The following NT5DC3 variants were observed in gnomAD, a reference collection of about 807,000 sequenced individuals.
The protein encoded by NT5DC3 is 5'-nucleotidase domain containing 3, also known as 5'-nucleotidase domain-containing protein 3.
In NT5DC3, 42 loss-of-function variants were observed where a neutral mutation model predicts 67.8. That is an observed-to-expected ratio of 0.62 (90% CI 0.48 to 0.80). NT5DC3 has a LOEUF of 0.80. NT5DC3 is among the 30% of genes least tolerant of loss of function. The pLI, the probability that NT5DC3 is intolerant of heterozygous loss-of-function variation, is 0.00. For synonymous variants in NT5DC3, 237 were observed against 255.6 expected (o/e 0.93, Z 0.69); for missense variants, 570 against 696.4 (o/e 0.82, Z 2.04).
At chr12:103,762,165 T>G in the NT5DC3 span, 2 of 1,446,014 alleles carry the variant, frequency 1.4e-6, no homozygotes, top group East Asian at 4.6e-5. Context: ...TGTTAACATG[T>G]CAGTATTTTT....
chr12:103,796,802 A>G, intron 6 of NT5DC3, 92 bp downstream of exon 6: 1 of 1,353,208 alleles, frequency 7.4e-7, no homozygotes, highest in Admixed American at 1.8e-5. Flanking sequence ...TATTTAAAAC[A>G]CCTAACCTAG....
chr12:103,817,183 C>T (rs927904877), intron 1 of NT5DC3, among the ~76,000 whole-genome samples: 8 of 152,046 alleles, frequency 5.3e-5, no homozygotes, highest in Admixed American at 1.3e-4. Context: ...TCTCAGACGA[C>T]GAGGCCTCCA....
chr12:103,759,293 T>G, the NT5DC3 span: 1 of 1,610,866 alleles, frequency 6.2e-7, no homozygotes, highest in Non-Finnish European at 8.5e-7. Context: ...CTTCTGGGCT[T>G]CTTGGGGGAA....
At chr12:103,787,360 C>A in intron 11 of NT5DC3, 81 bp downstream of exon 11, 1 of 645,418 alleles carries the variant, frequency 1.5e-6, no homozygotes, top group Non-Finnish European at 2.5e-6. Flanking sequence ...ATAAAAGGTA[C>A]ATCCTTAAAT....
At chr12:103,815,744 T>C (rs1342865203) in intron 1 of NT5DC3, among the ~76,000 whole-genome samples, 1 of 152,114 alleles carries the variant, frequency 6.6e-6, no homozygotes, top group Non-Finnish European at 1.5e-5. Context: ...TGAACACCTC[T>C]TGTGAACGTA....
the NT5DC3 span, among the ~76,000 whole-genome samples, chr12:103,760,414 C>T: frequency 2.0e-5 from 3 of 152,190 alleles, no homozygotes; most frequent in Admixed American, 1.3e-4. Context: ...GTGCCCGCCA[C>T]CACACTCAGC....
At chr12:103,808,604 C>T (rs1301955551) in intron 2 of NT5DC3, among the ~76,000 whole-genome samples, 1 of 152,244 alleles carries the variant, frequency 6.6e-6, no homozygotes, top group Non-Finnish European at 1.5e-5. Context: ...TTATCCACTA[C>T]CTGCCATGTG....
the NT5DC3 span, chr12:103,761,253 G>A: frequency 6.4e-7 from 1 of 1,567,092 alleles, no homozygotes; most frequent in East Asian, 2.2e-5. Context: ...ATGGAGGGCT[G>A]CCCACTCGGA....
intron 3 of NT5DC3, 26 bp from the exon 4 acceptor site, chr12:103,806,403 T>C (rs1886802979): frequency 6.7e-7 from 1 of 1,488,878 alleles, no homozygotes; most frequent in Non-Finnish European, 9.4e-7. Context: ...CATATGCACA[T>C]GTAAATAATG....
intron 1 of NT5DC3, among the ~76,000 whole-genome samples, chr12:103,826,692 T>G (rs10778289): frequency 0.14 from 20,781 of 152,260 alleles, 1,563 homozygotes; most frequent in Middle Eastern, 0.28. Flanking sequence ...TAATTTGTGG[T>G]AATTTGTTAC....
intron 9 of NT5DC3, among the ~76,000 whole-genome samples, chr12:103,792,202 G>T (rs1216668954): frequency 6.6e-6 from 1 of 152,196 alleles, no homozygotes; most frequent in East Asian, 1.9e-4. Context: ...GCAAGCCACA[G>T]TTTATAGCTG....
At chr12:103,804,426 A>G (rs533218966) in intron 4 of NT5DC3, among the ~76,000 whole-genome samples, 1 of 152,328 alleles carries the variant, frequency 6.6e-6, no homozygotes, top group Non-Finnish European at 1.5e-5. Flanking sequence ...TGGAGGATAT[A>G]CTCAAGCAAA....
chr12:103,812,434 T>C (rs1019054144), intron 2 of NT5DC3, among the ~76,000 whole-genome samples: 1 of 151,040 alleles, frequency 6.6e-6, no homozygotes, highest in Non-Finnish European at 1.5e-5. Context: ...ACAGACATAA[T>C]GAGAATGAAA....
Position 103,814,991 on chromosome 12 carries a change from G to T in NT5DC3, c.339C>A (p.His113Gln), listed in dbSNP as rs761637494. ...CAGCATTAAATATCAGCGTGTGGAGGTGCTTTGAATAAAACACCAAGGTGT... is the reference window on the plus strand; with the variant it reads ...CAGCATTAAATATCAGCGTGTGGAGTTGCTTTGAATAAAACACCAAGGTGT... ...YDYTLVFYSKHLHTLIFNAAR... is the reference protein window; with the variant it reads ...YDYTLVFYSKQLHTLIFNAAR... The change falls in exon 2 of 14, where the codon CAC becomes CAA. Residue 113 changes from histidine (H) to glutamine (Q), a missense_variant. Physicochemically the swap from His to Gln is conservative, Grantham distance 24 (BLOSUM62 0). Coordinates refer to ENST00000392876, the MANE Select transcript of NT5DC3 (RefSeq NM_001031701.3). 6.2e-6 allele frequency: 10 copies of T among 1,613,670 alleles called. No individual in the cohort carries two copies. The highest frequency in any genetic ancestry group is 7.6e-6 in the Non-Finnish European group (9 of 1,179,768).
At chr12:103,790,623 A>G (rs950448498) in intron 9 of NT5DC3, among the ~76,000 whole-genome samples, 3 of 151,312 alleles carry the variant, frequency 2.0e-5, no homozygotes, top group East Asian at 3.9e-4. Flanking sequence ...GGCTCAAGCA[A>G]TCCTCTGGCT....
chr12:103,798,024 A>G (rs1352149270), intron 5 of NT5DC3, among the ~76,000 whole-genome samples: 1 of 152,214 alleles, frequency 6.6e-6, no homozygotes, highest in African/African-American at 2.4e-5. Flanking sequence ...ACACCATTGT[A>G]AAGTCAAAAA....
At chr12:103,748,609 C>T in the NT5DC3 span, among the ~76,000 whole-genome samples, 152 of 18,536 alleles carry the variant, frequency 8.2e-3, no homozygotes, top group African/African-American at 0.026. Flanking sequence ...CACACATACA[C>T]ACACACACAC....
At chr12:103,759,744 C>T in the NT5DC3 span, among the ~76,000 whole-genome samples, 17 of 151,900 alleles carry the variant, frequency 1.1e-4, no homozygotes, top group African/African-American at 4.1e-4. Flanking sequence ...GATTGTGATA[C>T]AAGGGAGGGA....
the NT5DC3 span, chr12:103,749,305 C>A: frequency 8.8e-6 from 8 of 912,084 alleles, no homozygotes; most frequent in Admixed American, 3.0e-5. Flanking sequence ...AGTCATTGGG[C>A]TAAATGCAAG....
Sources: allele counts gnomAD v4.1 joint callset (sites outside exome capture counted in the v4.1 genomes callset), GRCh38; gene constraint gnomAD v4.1.1; transcripts MANE v1.5; gene names NCBI Gene and HGNC (gene_info 2026-07-23, HGNC 2026-07-21).